BCO1: variants seen among roughly 807,000 people sequenced by gnomAD.
BCO1 encodes beta-carotene oxygenase 1.
BCO1 carries 54 observed loss-of-function variants against 56.3 expected under a neutral mutation model. The observed-to-expected ratio is 0.96, with a 90% CI of 0.77 to 1.20. The LOEUF (loss-of-function observed/expected upper bound fraction) is 1.20, where lower values mean the gene tolerates loss of function less well. Among genes scored for constraint, BCO1 ranks in the 50% most tolerant of loss-of-function variants. BCO1 has a pLI of 0.00. For missense variants in BCO1, 801 were observed against 690.9 expected (o/e 1.16, Z -1.79); for synonymous variants, 318 against 266.1 (o/e 1.20, Z -1.90).
At position 81,275,365 on chromosome 16, in the gene BCO1, C is replaced by T. The variant is rs535770772; in HGVS notation, c.1101+4949C>T. 7.2e-5 allele frequency among the ~76,000 whole-genome samples: 11 copies of T among 152,342 alleles called. No individual in the cohort carries two copies. In the South Asian group the frequency reaches 1.9e-3, roughly 26 times the overall value. Reference sequence around the variant, plus strand: ...CGCCCAGACCGGGGAAGCCCAGGCCCGGGTGTGGTCTCAGAAACCCCCAGT... The same window carrying T: ...CGCCCAGACCGGGGAAGCCCAGGCCTGGGTGTGGTCTCAGAAACCCCCAGT... On this transcript the variant is annotated intron_variant, in intron 7 of 10. Coordinates refer to ENST00000258168, the MANE Select transcript of BCO1 (RefSeq NM_017429.3).
Position 81,265,350 on chromosome 16 carries a change from CCCACCCAT to C in BCO1, c.619+579_619+586del, listed in dbSNP as rs369061286. ...CATCCATCTACCCACTATCCATCTACCCACCCATCCACCCATCCACCCACCATGAATCC... is the reference window on the plus strand; with the variant it reads ...CATCCATCTACCCACTATCCATCTACCCACCCATCCACCCACCATGAATCC... On this transcript the variant is annotated intron_variant, in intron 5 of 10. Coordinates refer to ENST00000258168, the MANE Select transcript of BCO1 (RefSeq NM_017429.3). Among the ~76,000 whole-genome samples the C allele has an allele frequency of 3.4e-3, 511 of 149,544 alleles. 3 individuals are homozygous for C. The highest frequency in any genetic ancestry group is 4.5e-3 in the African/African-American group (181 of 40,602).
At chr16:81,258,568 C>T (rs1305474202) in intron 2 of BCO1, among the ~76,000 whole-genome samples, 1 of 152,222 alleles carries the variant, frequency 6.6e-6, no homozygotes, top group Non-Finnish European at 1.5e-5. Context: ...ATTAGTCCTC[C>T]AGCTCTGCTC....
intron 1 of BCO1, among the ~76,000 whole-genome samples, chr16:81,242,761 C>A (rs1347551759): frequency 6.6e-6 from 1 of 152,064 alleles, no homozygotes; most frequent in East Asian, 1.9e-4. Context: ...AGCCGTGGAC[C>A]AGTACCAGTC....
chr16:81,266,046 CTTCCATCCAT>C (rs1406723236), intron 5 of BCO1, among the ~76,000 whole-genome samples: 2 of 152,080 alleles, frequency 1.3e-5, no homozygotes, highest in Admixed American at 6.5e-5. Flanking sequence ...TCGATTCATC[CTTCCATCCAT>C]TCAGTTTTTC....
At chr16:81,257,495 C>A (rs995674684) in intron 2 of BCO1, among the ~76,000 whole-genome samples, 4 of 151,786 alleles carry the variant, frequency 2.6e-5, no homozygotes, top group Non-Finnish European at 5.9e-5. Context: ...AAACTCCTGA[C>A]CTCAGGTGAT....
At chr16:81,256,126 T>A (rs1261059342) in intron 2 of BCO1, among the ~76,000 whole-genome samples, 1 of 151,982 alleles carries the variant, frequency 6.6e-6, no homozygotes, top group South Asian at 2.1e-4. Flanking sequence ...GATTTTTTTT[T>A]TTTTCCAGCG....
chr16:81,276,443 C>T (rs1009630054), intron 7 of BCO1, among the ~76,000 whole-genome samples: 1 of 152,224 alleles, frequency 6.6e-6, no homozygotes, highest in Non-Finnish European at 1.5e-5. Flanking sequence ...CAGACTGCCA[C>T]TCTGCTGTTC....
At chr16:81,264,600 C>A (rs201220518) in intron 4 of BCO1, 40 bp from the exon 5 acceptor site, 14 of 1,608,828 alleles carry the variant, frequency 8.7e-6, no homozygotes, top group African/African-American at 8.0e-5. Flanking sequence ...GGTTGATTAT[C>A]GTAAATACTT....
At chr16:81,246,678 C>T (rs975376077) in intron 2 of BCO1, among the ~76,000 whole-genome samples, 2 of 151,778 alleles carry the variant, frequency 1.3e-5, no homozygotes, top group Admixed American at 1.3e-4. Flanking sequence ...TAGCGAAACC[C>T]CATCTCCACC....
intron 10 of BCO1, 64 bp from the exon 11 acceptor site, chr16:81,290,284 G>A: frequency 7.4e-7 from 1 of 1,350,932 alleles, no homozygotes; most frequent in Non-Finnish European, 1.1e-6. Flanking sequence ...GACATGCTGA[G>A]AAATTCATCC....
intron 8 of BCO1, among the ~76,000 whole-genome samples, chr16:81,282,515 A>G (rs1907940832): frequency 1.3e-5 from 2 of 152,102 alleles, no homozygotes; most frequent in Non-Finnish European, 2.9e-5. Context: ...CTTGGATTTG[A>G]CCTAAGAATC....
chr16:81,267,647 G>A (rs535184546), intron 5 of BCO1, among the ~76,000 whole-genome samples: 1 of 152,094 alleles, frequency 6.6e-6, no homozygotes, highest in Non-Finnish European at 1.5e-5. Flanking sequence ...TAGCCCCCAG[G>A]CTATAGGTGA....
At position 81,262,130 on chromosome 16, in the gene BCO1, C is replaced by A. The variant is rs762183136; in HGVS notation, c.324-6C>A. The A allele has an allele frequency of 2.5e-6, 4 of 1,613,372 alleles. No individual in the cohort carries two copies. In the African/African-American group the frequency reaches 5.3e-5, roughly 22 times the overall value. On this transcript the variant is annotated splice_polypyrimidine_tract_variant and splice_region_variant and intron_variant, in intron 3 of 10. Transcript: ENST00000258168. ...ACTGACTCTGTTGATTTGCTTTTCT[C>A]CCCAGAGCTTTCTCCTACTTGTCTC...
intron 6 of BCO1, among the ~76,000 whole-genome samples, chr16:81,269,315 T>TC (rs56797597): frequency 1.3e-5 from 2 of 150,894 alleles, no homozygotes; most frequent in Admixed American, 1.3e-4. Flanking sequence ...TTTTTTTTTT[T>TC]CAGATAGAGT....
At chr16:81,277,272 C>T (rs1907615289) in intron 7 of BCO1, among the ~76,000 whole-genome samples, 1 of 151,950 alleles carries the variant, frequency 6.6e-6, no homozygotes, top group Non-Finnish European at 1.5e-5. Flanking sequence ...CCTCCTGGCT[C>T]CTGTGAATTT....
chr16:81,246,684 C>G (rs1382400713), intron 2 of BCO1, among the ~76,000 whole-genome samples: 1 of 151,786 alleles, frequency 6.6e-6, no homozygotes, highest in African/African-American at 2.4e-5. Context: ...AACCCCATCT[C>G]CACCAAAAAT....
chr16:81,258,762 A>G (rs1233821691), intron 2 of BCO1, among the ~76,000 whole-genome samples: 2 of 152,238 alleles, frequency 1.3e-5, no homozygotes, highest in Non-Finnish European at 2.9e-5. Context: ...TTGCATTGCT[A>G]TAAAGGAATA....
chr16:81,254,322 T>C (rs1905992352), intron 2 of BCO1, among the ~76,000 whole-genome samples: 1 of 143,736 alleles, frequency 7.0e-6, no homozygotes, highest in African/African-American at 2.6e-5. Flanking sequence ...TTTTTTTTTT[T>C]GTATTTTTAG....
At position 81,238,882 on chromosome 16, in the gene BCO1, A is replaced by G. The variant is rs781148710; in HGVS notation, c.-27A>G. 1 of 1,610,556 alleles carries G rather than the reference A, an allele frequency of 6.2e-7. No homozygotes were observed. ...CAGAGGAGCACCTGTTTGCTGTTAA[A>G]ATCGATCTCCCTCGGCACCCTGAGC... On this transcript the variant is annotated 5_prime_UTR_variant, in exon 1 of 11. Transcript: ENST00000258168.
Sources: gnomAD v4.1 joint callset for allele counts (sites outside exome capture counted in the v4.1 genomes callset) on GRCh38, gnomAD v4.1.1 for gene constraint, MANE v1.5 for transcripts, NCBI Gene and HGNC (gene_info 2026-07-23, HGNC 2026-07-21) for gene names.